Variants in PSD3 observed in about 807,000 individuals in gnomAD.
PSD3 encodes the protein PH and SEC7 domain-containing protein 3.
A neutral mutation model predicts 105.5 loss-of-function variants in PSD3; 49 were observed. That is an observed-to-expected ratio of 0.46 (90% CI 0.37 to 0.59). The LOEUF (loss-of-function observed/expected upper bound fraction) is 0.59. Ranked by LOEUF, PSD3 falls within the 20% of genes least tolerant of loss-of-function variation. PSD3 has a pLI of 0.00. For missense variants in PSD3, 1,561 were observed against 1,263.8 expected, an observed-to-expected ratio of 1.24 and a Z score of -3.57; for synonymous variants, 557 against 457.8, an observed-to-expected ratio of 1.22 and a Z score of -2.77.
At chr8:18,702,618 TC>T (rs1268752034) in intron 9 of PSD3, among the ~76,000 whole-genome samples, 24 of 151,524 alleles carry the variant, frequency 1.6e-4, no homozygotes, top group African/African-American at 4.9e-4. Flanking sequence ...TTTCTTTCTT[TC>T]TTTCTTTTTT....
intron 12 of PSD3, among the ~76,000 whole-genome samples, chr8:18,592,668 G>A (rs1318895184): frequency 6.6e-6 from 1 of 152,036 alleles, no homozygotes; most frequent in Non-Finnish European, 1.5e-5. Context: ...TGACTGTGAT[G>A]ATATGTTCAA....
At chr8:18,808,784 C>T (rs764416278) in intron 4 of PSD3, 1 of 1,614,046 alleles carries the variant, frequency 6.2e-7, no homozygotes, top group South Asian at 1.1e-5. Flanking sequence ...AAGAAGAGCC[C>T]ATCGCAACCC....
At chr8:18,795,581 C>A (rs757361633) in intron 8 of PSD3, among the ~76,000 whole-genome samples, 2 of 152,218 alleles carry the variant, frequency 1.3e-5, no homozygotes, top group Non-Finnish European at 2.9e-5. Flanking sequence ...AGTTGTGGAA[C>A]TGGCCAGCTG....
intron 10 of PSD3, among the ~76,000 whole-genome samples, chr8:18,639,722 G>A (rs1378041076): frequency 6.6e-6 from 1 of 152,152 alleles, no homozygotes; most frequent in African/African-American, 2.4e-5. Flanking sequence ...CAAGAACCAT[G>A]AGACAATAAA....
At chr8:19,003,887 G>C (rs1305629260) in intron 1 of PSD3, among the ~76,000 whole-genome samples, 1 of 151,884 alleles carries the variant, frequency 6.6e-6, no homozygotes, top group Non-Finnish European at 1.5e-5. Flanking sequence ...CCACTAAAGA[G>C]AACTAATTAG....
At position 18,530,483 on chromosome 8, in the gene PSD3, T is replaced by C. The variant is rs1799590363; in HGVS notation, c.*5260A>G. The C allele has an allele frequency of 6.6e-6, 1 of 152,620 alleles. No homozygotes were observed. The allele number at this position is 152,620 out of a possible 1,614,324, so 9.5% of individuals were successfully genotyped here. A position where few individuals can be genotyped will look rare whatever the true frequency, so the allele number is the denominator to read the frequency against. The stretch of plus-strand genomic sequence containing the variant: ...ACGGATGCGGCACCACGAGAGTGGT[T>C]TGATCTCCCGTAAAACATACACAAA... On this transcript the variant is annotated 3_prime_UTR_variant, in exon 16 of 16. Coordinates refer to ENST00000327040, the MANE Select transcript of PSD3 (RefSeq NM_015310.4).
At chr8:18,875,622 C>T (rs190465879) in intron 2 of PSD3, among the ~76,000 whole-genome samples, 21 of 151,960 alleles carry the variant, frequency 1.4e-4, no homozygotes, top group South Asian at 6.2e-4. Flanking sequence ...CTGCAAGCTC[C>T]GCCTCCTGGA....
intron 15 of PSD3, among the ~76,000 whole-genome samples, chr8:18,539,547 CTTTTTTTT>C (rs547299808): frequency 3.0e-5 from 4 of 133,852 alleles, no homozygotes; most frequent in African/African-American, 8.5e-5. Flanking sequence ...TAGTAAATTA[CTTTTTTTT>C]TTTTTTTTTT....
chr8:18,555,154 G>C (rs1364405130), intron 15 of PSD3, among the ~76,000 whole-genome samples: 1 of 152,014 alleles, frequency 6.6e-6, no homozygotes, highest in Non-Finnish European at 1.5e-5. Context: ...ACCGGCCAAA[G>C]GATTTAGGAT....
intron 2 of PSD3, among the ~76,000 whole-genome samples, chr8:18,891,473 T>C (rs944222443): frequency 3.9e-5 from 6 of 152,186 alleles, no homozygotes; most frequent in African/African-American, 7.2e-5. Flanking sequence ...TTATTTGAGA[T>C]ACAGCAATTT....
intron 1 of PSD3, among the ~76,000 whole-genome samples, chr8:18,966,722 A>G (rs924526672): frequency 1.3e-5 from 2 of 152,144 alleles, no homozygotes; most frequent in Non-Finnish European, 1.5e-5. Flanking sequence ...CCCCAGGAGG[A>G]CGCAACGTTT....
rs1335974352 is a variant in PSD3, at chr8:18,802,321, T to C, written c.1911-939A>G. Reference sequence around the variant, plus strand: ...ACTGTTTATTTGAGATGAATCCAGATGACCCTCACTTGACAATGTAGATTC... The same window carrying C: ...ACTGTTTATTTGAGATGAATCCAGACGACCCTCACTTGACAATGTAGATTC... On this transcript the variant is annotated intron_variant, in intron 6 of 15. Coordinates refer to ENST00000327040, the MANE Select transcript of PSD3 (RefSeq NM_015310.4). 7.0e-6 allele frequency: 3 copies of C among 428,552 alleles called. No individual in the cohort carries two copies. In the East Asian group the frequency reaches 2.1e-4, roughly 30 times the overall value. The allele number at this position is 428,552 out of a possible 1,614,324, so 26.5% of individuals were successfully genotyped here. A position where few individuals can be genotyped will look rare whatever the true frequency, so the allele number is the denominator to read the frequency against.
rs1457504746 is a variant in PSD3 at position 18,569,449 on chromosome 8, A to G, written c.2784+3079T>C. ...ATGTAGAAAAATCACAAGCATTCTT[A>G]TACACCAACAACAGACAAACAGAGA... On this transcript the variant is annotated intron_variant, in intron 14 of 15. Transcript: ENST00000327040. Among the ~76,000 whole-genome samples the G allele has an allele frequency of 3.3e-5, 5 of 150,728 alleles. No homozygotes were observed. In the East Asian group the frequency reaches 9.9e-4, roughly 30 times the overall value.
chr8:18,944,430 G>A (rs1405875008), intron 1 of PSD3, among the ~76,000 whole-genome samples: 1 of 152,076 alleles, frequency 6.6e-6, no homozygotes, highest in South Asian at 2.1e-4. Flanking sequence ...AATTAGCCAG[G>A]TGTTGTGGTG....
intron 1 of PSD3, among the ~76,000 whole-genome samples, chr8:18,980,610 C>G (rs1365801134): frequency 6.6e-6 from 1 of 151,972 alleles, no homozygotes; most frequent in East Asian, 1.9e-4. Context: ...TTTTATCCTT[C>G]TCTCCTTTCT....
intron 8 of PSD3, among the ~76,000 whole-genome samples, chr8:18,791,134 C>T (rs557568223): frequency 5.3e-5 from 8 of 152,158 alleles, no homozygotes; most frequent in South Asian, 2.1e-4. Context: ...GTCAGTATCA[C>T]GAAAATGGCC....
intron 10 of PSD3, among the ~76,000 whole-genome samples, chr8:18,653,451 T>A (rs1450110020): frequency 6.6e-6 from 1 of 152,170 alleles, no homozygotes; most frequent in Admixed American, 6.5e-5. Flanking sequence ...TTCAGTGTTT[T>A]CAAACATTTC....
intron 12 of PSD3, among the ~76,000 whole-genome samples, chr8:18,590,951 C>G (rs1391820269): frequency 2.6e-5 from 4 of 152,230 alleles, no homozygotes; most frequent in Admixed American, 1.3e-4. Flanking sequence ...CTGTGTTATA[C>G]TATGATTCCA....
At chr8:19,040,503 G>A (rs1482184767) in intron 1 of PSD3, among the ~76,000 whole-genome samples, 1 of 152,172 alleles carries the variant, frequency 6.6e-6, no homozygotes, top group Non-Finnish European at 1.5e-5. Flanking sequence ...ACTGCATTTG[G>A]CCTGGAGTTA....
Sources: allele counts gnomAD v4.1 joint callset (sites outside exome capture counted in the v4.1 genomes callset), GRCh38; gene constraint gnomAD v4.1.1; transcripts MANE v1.5; gene names NCBI Gene and HGNC (gene_info 2026-07-23, HGNC 2026-07-21).